Variants in LEMD3 observed in about 807,000 individuals in gnomAD.
LEMD3 encodes LEM domain containing 3.
Under a neutral mutation model 95.2 loss-of-function variants are expected in LEMD3, and 33 were observed. The observed-to-expected ratio is 0.35, with a 90% CI of 0.26 to 0.46. The LOEUF is 0.46. LEMD3 is among the 20% of genes least tolerant of loss of function. The pLI is 1.00. For missense variants in LEMD3, 1,210 were observed against 1,192.8 expected (o/e 1.01, Z -0.21); for synonymous variants, 525 against 474.6 (o/e 1.11, Z -1.38).
At position 65,215,342 on chromosome 12, in the gene LEMD3, C is replaced by T. The variant is rs550416723; in HGVS notation, c.1561-635C>T. ...CAGAAGAAGGAGGGAAGAGAATCTT[C>T]TGTATTACTCTGCAGTTGTATAACA... On this transcript the variant is annotated intron_variant, in intron 2 of 12. Coordinates refer to ENST00000308330, the MANE Select transcript of LEMD3 (RefSeq NM_014319.5). Among the ~76,000 whole-genome samples the T allele has an allele frequency of 2.7e-4, 41 of 152,268 alleles. No individual in the cohort carries two copies. The South Asian group carries it at 8.3e-3, about 31-fold the overall frequency.
At chr12:65,228,813 C>T (rs1870536818) in intron 4 of LEMD3, among the ~76,000 whole-genome samples, 1 of 152,212 alleles carries the variant, frequency 6.6e-6, no homozygotes, top group African/African-American at 2.4e-5. Flanking sequence ...TCACCTCAAA[C>T]ATTTATCATT....
intron 4 of LEMD3, among the ~76,000 whole-genome samples, chr12:65,225,573 A>G (rs977844093): frequency 2.0e-5 from 3 of 152,080 alleles, no homozygotes; most frequent in African/African-American, 7.2e-5. Flanking sequence ...GCCATAAGCT[A>G]TCCAACTCTT....
chr12:65,238,098 G>A (rs58532530), intron 4 of LEMD3, among the ~76,000 whole-genome samples: 4,625 of 152,100 alleles, frequency 0.03, 235 homozygotes, highest in African/African-American at 0.11. Context: ...GTGAAACCTC[G>A]TCTCTCTAAA....
chr12:65,208,051 T>G (rs887640902), intron 1 of LEMD3, among the ~76,000 whole-genome samples: 2 of 152,110 alleles, frequency 1.3e-5, no homozygotes, highest in African/African-American at 4.8e-5. Context: ...TAGGAACCAT[T>G]GGAAAATTTT....
chr12:65,171,064 C>G lies in LEMD3; in HGVS notation c.1468C>G (p.Leu490Val), dbSNP rs1264488995. 6.2e-7 allele frequency: 1 copy of G among 1,613,862 alleles called. No individual in the cohort carries two copies. Among genetic ancestry groups the G allele is most frequent in the Admixed American group, 1.7e-5 (1 of 60,006 alleles). The part of the protein sequence containing the change: ...AACLFFLILG[L>V]TYLGMRGTGV... ...CTGCTTATTTTTCCTAATACTGGGA[C>G]TGACTTACCTAGGAATGAGAGGGAC... The change falls in exon 1 of 13, where the codon CTG (leucine) becomes GTG (valine). Residue 490 changes from leucine to valine, a missense_variant. Around this residue, in one of 2 missense-constraint regions of LEMD3, gnomAD observed 461 missense variants for 569.8 expected, o/e 0.81. Transcript: ENST00000308330.
At chr12:65,239,048 G>A (rs893650757) in intron 6 of LEMD3, among the ~76,000 whole-genome samples, 1 of 152,058 alleles carries the variant, frequency 6.6e-6, no homozygotes, top group East Asian at 1.9e-4. Flanking sequence ...AGAAAAACAA[G>A]TGTGGTCAGT....
chr12:65,193,009 GTTTT>G (rs1266827491), intron 1 of LEMD3, among the ~76,000 whole-genome samples: 1 of 151,938 alleles, frequency 6.6e-6, no homozygotes, highest in Non-Finnish European at 1.5e-5. Context: ...TTAAATACAT[GTTTT>G]TTTTGTTTGT....
intron 1 of LEMD3, among the ~76,000 whole-genome samples, chr12:65,208,416 A>G (rs1003951754): frequency 2.0e-4 from 31 of 152,244 alleles, no homozygotes; most frequent in African/African-American, 6.3e-4. Flanking sequence ...TAGTGACTGA[A>G]TAAAGAATGA....
Position 65,169,692 on chromosome 12 carries a change from G to A in LEMD3, c.96G>A (p.Thr32=). 1.3e-6 allele frequency: 2 copies of A among 1,585,632 alleles called. No homozygotes were observed. Among genetic ancestry groups the A allele is most frequent in the Non-Finnish European group, 1.7e-6 (2 of 1,166,666 alleles). ...ACGGCCTGTCTCCCGGACCAGTGAC[G>A]GAGAGCACCCGCCCGGTCTACCTCA... ...RRYGLSPGPV[T]ESTRPVYLKK... The change falls in exon 1 of 13, where the codon ACG becomes ACA. Residue 32 remains threonine (T), a synonymous_variant. Transcript: ENST00000308330.
At chr12:65,207,555 G>A (rs1271870567) in intron 1 of LEMD3, among the ~76,000 whole-genome samples, 4 of 152,106 alleles carry the variant, frequency 2.6e-5, no homozygotes, top group Non-Finnish European at 5.9e-5. Context: ...CAGGCCTAAA[G>A]AAGACCAGAA....
In LEMD3 at chr12:65,187,597, C is replaced by G. The variant is rs536935370; in HGVS notation, c.1522+16479C>G. On this transcript the variant is annotated intron_variant, in intron 1 of 12. Transcript: ENST00000308330. Reference sequence around the variant, plus strand: ...TCCTTTGGAATTATTCCCACTTCCCCCCTTTAAAAAAAAAAATCTCACATT... The same window carrying G: ...TCCTTTGGAATTATTCCCACTTCCCGCCTTTAAAAAAAAAAATCTCACATT... 5.3e-5 allele frequency among the ~76,000 whole-genome samples: 8 copies of G among 150,446 alleles called. No individual in the cohort carries two copies. In the East Asian group the frequency reaches 1.5e-3, roughly 29 times the overall value.
chr12:65,240,991 A>C lies in LEMD3; in HGVS notation c.2209A>C (p.Ile737Leu). Residue 737 changes from isoleucine to leucine, a missense_variant, in exon 9 of 13, where the codon ATA (isoleucine) becomes CTA (leucine). Physicochemically the swap from Ile to Leu is conservative, Grantham distance 5. Coordinates refer to ENST00000308330, the MANE Select transcript of LEMD3 (RefSeq NM_014319.5). ...ESRVRTETRR[I>L]GGADFLVWRW... ...TAGAGTTCGCACGGAAACACGAAGA[A>C]TAGGTGGTGCAGATTTTCTGGTTTG... is the stretch of plus-strand genomic sequence containing the variant. 1 of 1,614,118 alleles carries C rather than the reference A, an allele frequency of 6.2e-7. No individual in the cohort carries two copies. The highest frequency in any genetic ancestry group is 8.5e-7 in the Non-Finnish European group (1 of 1,179,958).
chr12:65,240,078 T>C, intron 7 of LEMD3, 48 bp downstream of exon 7: 1 of 1,552,986 alleles, frequency 6.4e-7, no homozygotes, highest in Non-Finnish European at 8.9e-7. Flanking sequence ...AGTCATTGCA[T>C]GATTAAACTA....
At chr12:65,182,556 G>A (rs1228399002) in intron 1 of LEMD3, among the ~76,000 whole-genome samples, 1 of 152,102 alleles carries the variant, frequency 6.6e-6, no homozygotes, top group African/African-American at 2.4e-5. Flanking sequence ...ATAAAAGGGA[G>A]TTATCTTTTC....
At chr12:65,215,910 A>G (rs1207319925) in intron 2 of LEMD3, 67 bp from the exon 3 acceptor site, 4 of 489,038 alleles carry the variant, frequency 8.2e-6, no homozygotes, top group South Asian at 3.4e-5. Flanking sequence ...TTTTTTTTTG[A>G]TTAAGAATTA....
intron 1 of LEMD3, among the ~76,000 whole-genome samples, chr12:65,190,867 A>G (rs1373565795): frequency 2.0e-5 from 3 of 152,192 alleles, no homozygotes; most frequent in African/African-American, 4.8e-5. Context: ...ATAGTTGAGA[A>G]AAGGTGTTTC....
intron 1 of LEMD3, among the ~76,000 whole-genome samples, chr12:65,182,718 T>C (rs1163616594): frequency 6.6e-6 from 1 of 152,208 alleles, no homozygotes; most frequent in Non-Finnish European, 1.5e-5. Flanking sequence ...GGAAAGTCAG[T>C]GTAAATGGGT....
chr12:65,219,486 T>A (rs1454661624), intron 4 of LEMD3, among the ~76,000 whole-genome samples: 2 of 152,196 alleles, frequency 1.3e-5, no homozygotes, highest in Non-Finnish European at 2.9e-5. Flanking sequence ...GAAACGTTGA[T>A]CCCTGGAAGG....
Position 65,246,185 on chromosome 12 carries a change from T to G in LEMD3, c.2596T>G (p.Leu866Val). ...AGGGAAATTGGTTACAGTAAAATAT[T>G]TACGACTAGATAGATACCACCATCG... ...FDGKLVTVKYLRLDRYHHRFP... is the reference protein window; with the variant it reads ...FDGKLVTVKYVRLDRYHHRFP... Residue 866 changes from leucine to valine, a missense_variant, in exon 13 of 13, where the codon TTA becomes GTA. Transcript: ENST00000308330. 1 of 1,611,754 alleles carries G rather than the reference T, an allele frequency of 6.2e-7. No homozygotes were observed. The highest frequency in any genetic ancestry group is 8.5e-7 in the Non-Finnish European group (1 of 1,178,386).
Sources: allele counts gnomAD v4.1 joint callset (sites outside exome capture counted in the v4.1 genomes callset), GRCh38; gene constraint gnomAD v4.1.1; regional missense constraint gnomAD v4.1.1; transcripts MANE v1.5; gene names NCBI Gene and HGNC (gene_info 2026-07-23, HGNC 2026-07-21).